The following SNX14 variants were observed in gnomAD, a reference collection of about 807,000 sequenced individuals.
SNX14 encodes sorting nexin 14, also known as sorting nexin-14.
In SNX14, 93 loss-of-function variants were observed where a neutral mutation model predicts 133.8. That is an observed-to-expected ratio of 0.70 (90% CI 0.59 to 0.83). The LOEUF (loss-of-function observed/expected upper bound fraction) is 0.83, where lower values mean the gene tolerates loss of function less well. Ranked by LOEUF, SNX14 falls within the 40% of genes least tolerant of loss-of-function variation. The pLI is 0.00. For missense variants in SNX14, 945 were observed against 1,094.9 expected (o/e 0.86, Z 1.93); for synonymous variants, 368 against 365.6 (o/e 1.01, Z -0.07).
chr6:85,530,706 T>C (rs569667073), intron 18 of SNX14, among the ~76,000 whole-genome samples: 14 of 152,236 alleles, frequency 9.2e-5, no homozygotes, highest in Admixed American at 7.2e-4. Context: ...ATTCCACAGT[T>C]GTAATTTGTT....
intron 16 of SNX14, 144 bp downstream of exon 16, chr6:85,538,694 A>T: frequency 1.7e-6 from 1 of 591,122 alleles, no homozygotes; most frequent in Non-Finnish European, 2.9e-6. Flanking sequence ...TATTCATTTT[A>T]AAAGATTATC....
At chr6:85,547,470 CA>C (rs1429939314) in intron 10 of SNX14, 35 bp downstream of exon 10, 3 of 1,603,148 alleles carry the variant, frequency 1.9e-6, no homozygotes, top group Non-Finnish European at 2.6e-6. Flanking sequence ...AAATTCAATG[CA>C]ATCTGAAGTG....
chr6:85,534,774 T>C (rs1231966612), intron 17 of SNX14, among the ~76,000 whole-genome samples: 1 of 149,602 alleles, frequency 6.7e-6, no homozygotes, highest in African/African-American at 2.5e-5. Flanking sequence ...TAATATCGAA[T>C]AGAGAAAAGA....
At chr6:85,591,019 AG>A (rs1802588400) in intron 1 of SNX14, among the ~76,000 whole-genome samples, 1 of 152,204 alleles carries the variant, frequency 6.6e-6, no homozygotes, top group Non-Finnish European at 1.5e-5. Flanking sequence ...CAGTATCATT[AG>A]TGGTACTTTG....
At position 85,593,711 on chromosome 6, in the gene SNX14, G is replaced by A. The variant is rs779539329; in HGVS notation, c.8C>T (p.Pro3Leu). ...CTTCTGCCCCATCGTCCGCACCCAGGGCACCATCTCCGTAACGGCGAGGCC... is the reference window on the plus strand; with the variant it reads ...CTTCTGCCCCATCGTCCGCACCCAGAGCACCATCTCCGTAACGGCGAGGCC... MVPWVRTMGQKLK... is the reference protein window; with the variant it reads MVLWVRTMGQKLK... Residue 3 changes from proline to leucine, a missense_variant, in exon 1 of 29, where the codon CCC (proline) becomes CTC (leucine). Transcript: ENST00000314673. 2 of 1,613,638 alleles carry A rather than the reference G, an allele frequency of 1.2e-6. No homozygotes were observed. The highest frequency in any genetic ancestry group is 2.2e-5 in the East Asian group (1 of 44,868).
At position 85,514,546 on chromosome 6, in the gene SNX14, C is replaced by A; in HGVS notation, c.2352G>T (p.Val784=). ...RKQNQNYFME[V]MTVEGVYDYL... ...AATCATAGACTCCTTCTACAGTCAT[C>A]ACCTCCATAAAATAATTCTGATTTT... Residue 784 remains valine (V), a synonymous_variant, in exon 24 of 29, where the codon GTG becomes GTT. Coordinates refer to ENST00000314673, the MANE Select transcript of SNX14 (RefSeq NM_153816.6). 1 of 1,613,414 alleles carries A rather than the reference C, an allele frequency of 6.2e-7. No individual in the cohort carries two copies. Among genetic ancestry groups the A allele is most frequent in the Non-Finnish European group, 8.5e-7 (1 of 1,179,732 alleles).
At chr6:85,561,929 AC>A (rs2128150814) in intron 6 of SNX14, among the ~76,000 whole-genome samples, 1 of 151,392 alleles carries the variant, frequency 6.6e-6, no homozygotes, top group Non-Finnish European at 1.5e-5. Flanking sequence ...GGTTTGGTGT[AC>A]AAATTATTTC....
rs962152007 is a variant in SNX14, at chr6:85,543,383, C to T, written c.1265-77G>A. The T allele has an allele frequency of 2.2e-5, 29 of 1,309,830 alleles. No homozygotes were observed. In the African/African-American group the frequency reaches 3.7e-4, roughly 17 times the overall value. The allele number at this position is 1,309,830 out of a possible 1,614,324, so 81.1% of individuals were successfully genotyped here. A position where few individuals can be genotyped will look rare whatever the true frequency, so the allele number is the denominator to read the frequency against. ...ACAGTTCTAAAACGTTTTACTGAAACTCCACTGAAACACACTAGATTGAGA... is the reference window on the plus strand; with the variant it reads ...ACAGTTCTAAAACGTTTTACTGAAATTCCACTGAAACACACTAGATTGAGA... On this transcript the variant is annotated intron_variant, in intron 13 of 28. Coordinates refer to ENST00000314673, the MANE Select transcript of SNX14 (RefSeq NM_153816.6).
intron 15 of SNX14, among the ~76,000 whole-genome samples, chr6:85,541,046 T>C (rs1046941228): frequency 1.3e-5 from 2 of 150,810 alleles, no homozygotes; most frequent in Non-Finnish European, 2.9e-5. Flanking sequence ...CAGGCTGGAG[T>C]GCAGTAGCAC....
intron 1 of SNX14, among the ~76,000 whole-genome samples, chr6:85,578,632 T>C (rs913361301): frequency 5.9e-5 from 9 of 152,122 alleles, no homozygotes; most frequent in Admixed American, 2.0e-4. Flanking sequence ...ATACTAGAAA[T>C]AGACTGCATG....
At chr6:85,572,749 G>A (rs1796068146) in intron 2 of SNX14, among the ~76,000 whole-genome samples, 1 of 152,150 alleles carries the variant, frequency 6.6e-6, no homozygotes, top group African/African-American at 2.4e-5. Context: ...TTGAGCCCAG[G>A]AGTTTGAGGC....
rs143873665 is a variant in SNX14, at chr6:85,551,134, G to A, written c.635-1255C>T. On this transcript the variant is annotated intron_variant, in intron 7 of 28. Coordinates refer to ENST00000314673, the MANE Select transcript of SNX14 (RefSeq NM_153816.6). ...ACATCCAAGTAACCTTTTAAAGCAC[G>A]TACACTATCAAAATATGCCCTCAGC... Among the ~76,000 whole-genome samples the A allele has an allele frequency of 7.2e-4, 110 of 152,086 alleles. 2 individuals are homozygous for A. The highest frequency in any genetic ancestry group is 2.5e-3 in the African/African-American group (105 of 41,488).
intron 3 of SNX14, 29 bp from the exon 4 acceptor site, chr6:85,572,244 T>G (rs1429439068): frequency 6.2e-7 from 1 of 1,611,804 alleles, no homozygotes; most frequent in Non-Finnish European, 8.5e-7. Flanking sequence ...ACTAAATCAC[T>G]TGAAATCCAA....
In SNX14 at chr6:85,536,024, GACT is replaced by G. The variant is rs199928516; in HGVS notation, c.1608+765_1608+767del. On this transcript the variant is annotated intron_variant, in intron 17 of 28. Transcript: ENST00000314673. ...AATGAGACAATACTTGCCTTTATGG[GACT>G]ATGTGATAGGAAAGACAATCATAAC... Among the ~76,000 whole-genome samples the G allele has an allele frequency of 3.9e-5, 6 of 152,220 alleles. No individual in the cohort carries two copies. In the East Asian group the frequency reaches 1.2e-3, roughly 29 times the overall value.
intron 7 of SNX14, among the ~76,000 whole-genome samples, chr6:85,556,860 G>C (rs1789974349): frequency 6.6e-6 from 1 of 151,972 alleles, no homozygotes; most frequent in Non-Finnish European, 1.5e-5. Context: ...CATATCTGAG[G>C]AACTATTCAT....
chr6:85,592,035 A>C (rs1802949503), intron 1 of SNX14, among the ~76,000 whole-genome samples: 1 of 152,158 alleles, frequency 6.6e-6, no homozygotes, highest in South Asian at 2.1e-4. Flanking sequence ...AAAAATAAAA[A>C]TCATATGAAG....
At chr6:85,531,785 G>A (rs1452894804) in intron 18 of SNX14, among the ~76,000 whole-genome samples, 1 of 152,152 alleles carries the variant, frequency 6.6e-6, no homozygotes, top group Non-Finnish European at 1.5e-5. Context: ...TAGTACTCTA[G>A]GAGGCCAAGG....
rs562791273 is a variant in SNX14 at position 85,537,009 on chromosome 6, A to G, written c.1476-85T>C. On this transcript the variant is annotated intron_variant, in intron 16 of 28. Coordinates refer to ENST00000314673, the MANE Select transcript of SNX14 (RefSeq NM_153816.6). ...TTGAAAACCATTATTAAAAAAAAGA[A>G]AAACAGTTTTGAAAATGATAAACTA... 1.0e-5 allele frequency: 14 copies of G among 1,389,150 alleles called. No individual in the cohort carries two copies. In the African/African-American group the frequency reaches 2.0e-4, roughly 20 times the overall value. 86.1% of individuals were successfully genotyped at this position (1,389,150 alleles called of 1,614,324 possible).
At chr6:85,532,072 G>C (rs1780491424) in intron 18 of SNX14, among the ~76,000 whole-genome samples, 1 of 151,998 alleles carries the variant, frequency 6.6e-6, no homozygotes, top group Non-Finnish European at 1.5e-5. Flanking sequence ...AAAGTTTTAA[G>C]ATTTTTTGGT....
Sources: allele counts gnomAD v4.1 joint callset (sites outside exome capture counted in the v4.1 genomes callset), GRCh38; gene constraint gnomAD v4.1.1; transcripts MANE v1.5; gene names NCBI Gene and HGNC (gene_info 2026-07-23, HGNC 2026-07-21).